Variants in MEIKIN observed in about 807,000 individuals in gnomAD.
MEIKIN encodes meiosis-specific kinetochore protein.
At chr5:131,868,609 T>TG (rs1750431231) in intron 9 of MEIKIN, among the ~76,000 whole-genome samples, 1 of 151,912 alleles carries the variant, frequency 6.6e-6, no homozygotes, top group South Asian at 2.1e-4. Flanking sequence ...ATCACTCTGT[T>TG]GCCTAGGCAG....
chr5:131,835,200 ATATATATGTGTGTATATATATGTG>A (rs1196760660), intron 11 of MEIKIN, among the ~76,000 whole-genome samples: 1 of 151,264 alleles, frequency 6.6e-6, no homozygotes, highest in African/African-American at 2.4e-5. Context: ...GTGTGTGTGT[ATATATATGTGTGTATATATATGTG>A]TATATATATG....
intron 5 of MEIKIN, among the ~76,000 whole-genome samples, chr5:131,932,966 C>T (rs994030200): frequency 1.3e-5 from 2 of 152,116 alleles, no homozygotes; most frequent in African/African-American, 4.8e-5. Flanking sequence ...AAACTTTGTA[C>T]TTTCTTTTTT....
intron 11 of MEIKIN, among the ~76,000 whole-genome samples, chr5:131,850,187 C>G (rs1750088403): frequency 1.3e-5 from 2 of 151,778 alleles, no homozygotes; most frequent in African/African-American, 4.8e-5. Context: ...TTAAAGAAAA[C>G]ATAAATAAAT....
At chr5:131,894,671 G>C (rs1255205254) in intron 8 of MEIKIN, among the ~76,000 whole-genome samples, 1 of 152,094 alleles carries the variant, frequency 6.6e-6, no homozygotes, top group East Asian at 1.9e-4. Context: ...ATTGTGAATG[G>C]GAGTTCACTC....
intron 11 of MEIKIN, among the ~76,000 whole-genome samples, chr5:131,821,495 A>C (rs1455951301): frequency 6.6e-6 from 1 of 152,098 alleles, no homozygotes; most frequent in East Asian, 1.9e-4. Flanking sequence ...ATGTTCTATA[A>C]ATATCTATTA....
intron 5 of MEIKIN, among the ~76,000 whole-genome samples, 190 bp downstream of exon 5, chr5:131,933,323 C>G (rs573549620): frequency 2.8e-4 from 42 of 152,284 alleles, no homozygotes; most frequent in African/African-American, 1.0e-3. Flanking sequence ...CTTCCTTGAT[C>G]TGAGGGCTTT....
At chr5:131,880,127 T>A (rs1458926853) in intron 8 of MEIKIN, among the ~76,000 whole-genome samples, 1 of 152,042 alleles carries the variant, frequency 6.6e-6, no homozygotes, top group Non-Finnish European at 1.5e-5. Context: ...TTGCTCTTTG[T>A]TGCCCAGGCT....
At chr5:131,918,525 C>A (rs1751450843) in intron 6 of MEIKIN, among the ~76,000 whole-genome samples, 1 of 152,126 alleles carries the variant, frequency 6.6e-6, no homozygotes, top group Admixed American at 6.6e-5. Flanking sequence ...ATAAAGGACC[C>A]CTAACTCAAT....
intron 11 of MEIKIN, among the ~76,000 whole-genome samples, chr5:131,849,605 C>G (rs1750076877): frequency 7.1e-6 from 1 of 140,992 alleles, no homozygotes; most frequent in African/African-American, 2.6e-5. Context: ...AAAGAAACCT[C>G]TTTTCTTTAT....
chr5:131,935,741 C>T (rs1467376125), intron 4 of MEIKIN, among the ~76,000 whole-genome samples: 1 of 152,160 alleles, frequency 6.6e-6, no homozygotes, highest in Non-Finnish European at 1.5e-5. Context: ...TGTCCTTCCT[C>T]CTAAGACCTC....
At chr5:131,859,782 T>C (rs1476381850) in intron 9 of MEIKIN, among the ~76,000 whole-genome samples, 2 of 152,160 alleles carry the variant, frequency 1.3e-5, no homozygotes, top group Admixed American at 1.3e-4. Flanking sequence ...GATATCCAGT[T>C]TTCTGAGCAT....
At chr5:131,907,251 T>C (rs569153950) in intron 8 of MEIKIN, among the ~76,000 whole-genome samples, 61 of 150,844 alleles carry the variant, frequency 4.0e-4, no homozygotes, top group African/African-American at 1.2e-3. Context: ...AAACTTCAAA[T>C]AAACAACCTA....
chr5:131,847,268 T>C (rs758442668), intron 11 of MEIKIN, among the ~76,000 whole-genome samples: 14 of 151,950 alleles, frequency 9.2e-5, no homozygotes, highest in East Asian at 1.9e-4. Flanking sequence ...ATTGGCAAAA[T>C]GGATAAAAAA....
intron 11 of MEIKIN, among the ~76,000 whole-genome samples, chr5:131,822,335 T>A (rs891750120): frequency 6.6e-6 from 1 of 152,204 alleles, no homozygotes; most frequent in Non-Finnish European, 1.5e-5. Flanking sequence ...TTTTATTATT[T>A]TTTTTTCTGG....
chr5:131,918,482 AAT>A (rs1751450161), intron 6 of MEIKIN, among the ~76,000 whole-genome samples: 3 of 152,176 alleles, frequency 2.0e-5, no homozygotes. Context: ...ACACTGTAGA[AAT>A]ATGGCCATCC....
chr5:131,889,416 AGG>A (rs761525412), intron 8 of MEIKIN, among the ~76,000 whole-genome samples: 2 of 152,126 alleles, frequency 1.3e-5, no homozygotes, highest in African/African-American at 2.4e-5. Flanking sequence ...CTCCTTGAAG[AGG>A]TCCTTCACGT....
chr5:131,908,280 T>C (rs1289143612), intron 8 of MEIKIN, among the ~76,000 whole-genome samples: 1 of 152,064 alleles, frequency 6.6e-6, no homozygotes, highest in Non-Finnish European at 1.5e-5. Flanking sequence ...GTTCAACCTA[T>C]GCAAATCAAT....
intron 11 of MEIKIN, among the ~76,000 whole-genome samples, chr5:131,820,555 G>A (rs561519103): frequency 6.6e-6 from 1 of 152,284 alleles, no homozygotes; most frequent in Admixed American, 6.5e-5. Context: ...GAATTTGGAA[G>A]TATTCCCTCC....
intron 5 of MEIKIN, 136 bp downstream of exon 5, chr5:131,933,377 A>G: frequency 2.7e-6 from 1 of 373,732 alleles, no homozygotes; most frequent in Non-Finnish European, 4.8e-6. Flanking sequence ...CACAACGGGT[A>G]ATGGTCAGGG....
Sources: allele counts gnomAD v4.1 joint callset (sites outside exome capture counted in the v4.1 genomes callset), GRCh38; gene constraint gnomAD v4.1.1; transcripts MANE v1.5; gene names NCBI Gene and HGNC (gene_info 2026-07-23, HGNC 2026-07-21).